Variants in FAM135A observed in about 807,000 individuals in gnomAD.
FAM135A encodes the protein protein FAM135A.
A neutral mutation model predicts 146.8 loss-of-function variants in FAM135A; 79 were observed. The observed-to-expected ratio is 0.54, with a 90% CI of 0.45 to 0.65. FAM135A has a LOEUF of 0.65. Ranked by LOEUF, FAM135A falls within the 30% of genes least tolerant of loss-of-function variation. The pLI is 0.00. For synonymous variants in FAM135A, 562 were observed against 603.6 expected (o/e 0.93, Z 1.01); for missense variants, 1,623 against 1,758.2 (o/e 0.92, Z 1.38).
intron 5 of FAM135A, among the ~76,000 whole-genome samples, chr6:70,458,801 G>GA (rs1481733985): frequency 1.3e-5 from 2 of 152,102 alleles, no homozygotes; most frequent in Non-Finnish European, 2.9e-5. Context: ...CCAGCAGTCT[G>GA]AAAAAACAAG....
At chr6:70,544,912 G>T (rs1338843257) in intron 20 of FAM135A, among the ~76,000 whole-genome samples, 1 of 151,586 alleles carries the variant, frequency 6.6e-6, no homozygotes, top group Admixed American at 6.6e-5. Context: ...TTAGCCAGGC[G>T]TGGTGGCGGG....
intron 4 of FAM135A, among the ~76,000 whole-genome samples, chr6:70,450,717 T>TG (rs1776860380): frequency 2.8e-5 from 1 of 35,246 alleles, no homozygotes. Flanking sequence ...CTTTTAGTTG[T>TG]TTTTTTTTTT....
intron 4 of FAM135A, among the ~76,000 whole-genome samples, chr6:70,435,501 A>G (rs1772868916): frequency 6.6e-6 from 1 of 151,956 alleles, no homozygotes; most frequent in Admixed American, 6.6e-5. Context: ...CAGGTTTGAT[A>G]CAACACAGTT....
intron 20 of FAM135A, among the ~76,000 whole-genome samples, chr6:70,543,579 TTACAAAATATTCC>T (rs2128456804): frequency 6.6e-6 from 1 of 152,312 alleles, no homozygotes; most frequent in South Asian, 2.1e-4. Context: ...ATTGATCAAA[TTACAAAATATTCC>T]TACAAAATGA....
chr6:70,550,679 G>C (rs961562904), intron 20 of FAM135A, among the ~76,000 whole-genome samples: 4 of 152,220 alleles, frequency 2.6e-5, no homozygotes, highest in African/African-American at 9.6e-5. Context: ...TTTTAGGAAT[G>C]ATAAGTATTG....
intron 1 of FAM135A, among the ~76,000 whole-genome samples, chr6:70,414,540 G>A (rs1767110991): frequency 7.0e-6 from 1 of 143,418 alleles, no homozygotes; most frequent in Non-Finnish European, 1.5e-5. Context: ...TATAAGTCAA[G>A]CCTCTTAACT....
At chr6:70,536,849 G>A (rs1358027431) in intron 19 of FAM135A, among the ~76,000 whole-genome samples, 2 of 151,374 alleles carry the variant, frequency 1.3e-5, no homozygotes. Context: ...AGGTGATTCA[G>A]AATTTCTGAA....
chr6:70,525,021 A>G lies in FAM135A; in HGVS notation c.1937A>G (p.His646Arg). ...SRRSSDDCHD[H>R]QTTPSLGVRT... ...AGGTCATCAGACGATTGCCATGATC[A>G]TCAAACAACCCCATCTTTGGGAGTT... Residue 646 changes from histidine to arginine, a missense_variant, in exon 15 of 22, where the codon CAT becomes CGT. Transcript: ENST00000418814. The G allele has an allele frequency of 1.9e-6, 3 of 1,597,764 alleles. No homozygotes were observed. Among genetic ancestry groups the G allele is most frequent in the Non-Finnish European group, 2.6e-6 (3 of 1,174,596 alleles).
At chr6:70,537,986 T>A (rs1349388713) in intron 19 of FAM135A, among the ~76,000 whole-genome samples, 1 of 152,226 alleles carries the variant, frequency 6.6e-6, no homozygotes, top group Non-Finnish European at 1.5e-5. Context: ...TTTGAACAAA[T>A]ATATTGAAAG....
chr6:70,455,891 C>T (rs945679196), intron 5 of FAM135A, among the ~76,000 whole-genome samples: 2 of 152,066 alleles, frequency 1.3e-5, no homozygotes, highest in Non-Finnish European at 1.5e-5. Context: ...CTTGCCCTAT[C>T]GCCAGGCTGG....
chr6:70,448,300 C>T (rs1776272063), intron 4 of FAM135A, among the ~76,000 whole-genome samples: 2 of 152,194 alleles, frequency 1.3e-5, no homozygotes, highest in East Asian at 1.9e-4. Flanking sequence ...CAAACCTGCT[C>T]TGTAACCTCT....
At chr6:70,422,491 A>C (rs7742044) in intron 2 of FAM135A, among the ~76,000 whole-genome samples, 43,732 of 152,062 alleles carry the variant, frequency 0.29, 8,501 homozygotes, top group African/African-American at 0.55. Flanking sequence ...ATGTATATAT[A>C]TGTACATGTA....
intron 5 of FAM135A, among the ~76,000 whole-genome samples, chr6:70,473,606 A>G (rs1170763834): frequency 6.6e-6 from 1 of 151,968 alleles, no homozygotes; most frequent in Non-Finnish European, 1.5e-5. Flanking sequence ...TCAGTCCCTT[A>G]TATGTGCCAA....
At position 70,418,090 on chromosome 6, in the gene FAM135A, A is replaced by T. The variant is rs562746346; in HGVS notation, c.-134+2714A>T. ...GGCTGGCCCTCATGAGTTCATTTTG[A>T]TGAGTGAGGAATGGCTGCAAAAGTT... is the stretch of plus-strand genomic sequence containing the variant. On this transcript the variant is annotated intron_variant, in intron 2 of 21. Transcript: ENST00000418814. Among the ~76,000 whole-genome samples, 9 of 152,166 alleles carry T rather than the reference A, an allele frequency of 5.9e-5. No homozygotes were observed. In the East Asian group the frequency reaches 1.7e-3, roughly 29 times the overall value.
chr6:70,527,054 C>CT (rs1468315580), intron 15 of FAM135A, among the ~76,000 whole-genome samples: 1 of 151,936 alleles, frequency 6.6e-6, no homozygotes, highest in Admixed American at 6.6e-5. Context: ...GCTTAAAACC[C>CT]TTTTTTCATC....
intron 20 of FAM135A, among the ~76,000 whole-genome samples, chr6:70,539,306 T>A (rs187649545): frequency 3.9e-5 from 6 of 152,180 alleles, no homozygotes; most frequent in African/African-American, 1.2e-4. Context: ...AACTTTTTTT[T>A]AAAAAAGGCC....
Position 70,528,472 on chromosome 6 carries a change from G to A in FAM135A, c.3775+20G>A. On this transcript the variant is annotated intron_variant, in intron 16 of 21. Transcript: ENST00000418814. Reference sequence around the variant, plus strand: ...TAGATGGTATGTGACATCTATGGATGTAACCCAGAGCAACTCAATATATTT... The same window carrying A: ...TAGATGGTATGTGACATCTATGGATATAACCCAGAGCAACTCAATATATTT... The A allele has an allele frequency of 6.5e-7, 1 of 1,547,300 alleles. No homozygotes were observed. The highest frequency in any genetic ancestry group is 2.3e-5 in the East Asian group (1 of 43,494).
chr6:70,494,053 CA>C (rs35693076), intron 11 of FAM135A, among the ~76,000 whole-genome samples: 15,219 of 82,138 alleles, frequency 0.19, 419 homozygotes, highest in Middle Eastern at 0.21. Context: ...GACTCTGTCT[CA>C]AAAAAAAAAA....
At chr6:70,458,394 C>G (rs1011705492) in intron 5 of FAM135A, among the ~76,000 whole-genome samples, 5 of 151,930 alleles carry the variant, frequency 3.3e-5, no homozygotes, top group Admixed American at 2.0e-4. Flanking sequence ...ATTTTTAATT[C>G]TCTAATTTAT....
Sources: allele counts gnomAD v4.1 joint callset (sites outside exome capture counted in the v4.1 genomes callset), GRCh38; gene constraint gnomAD v4.1.1; transcripts MANE v1.5; gene names NCBI Gene and HGNC (gene_info 2026-07-23, HGNC 2026-07-21).